The following FBXO21 variants were observed in gnomAD, a reference collection of about 807,000 sequenced individuals.
FBXO21 encodes the protein F-box only protein 21.
In FBXO21, 32 loss-of-function variants were observed where a neutral mutation model predicts 76.6. The observed-to-expected ratio is 0.42, with a 90% CI of 0.32 to 0.56. The LOEUF (loss-of-function observed/expected upper bound fraction) is 0.56, where lower values mean the gene tolerates loss of function less well. Among genes scored for constraint, FBXO21 ranks in the 20% least tolerant of loss-of-function variants. FBXO21 has a pLI of 0.16. For missense variants in FBXO21, 586 were observed against 797.3 expected (o/e 0.73, Z 3.19); for synonymous variants, 328 against 311.5 (o/e 1.05, Z -0.56).
intron 2 of FBXO21, 124 bp downstream of exon 2, chr12:117,189,103 T>C: frequency 9.4e-7 from 1 of 1,062,432 alleles, no homozygotes; most frequent in Non-Finnish European, 1.4e-6. Context: ...GCCATCTAAG[T>C]GAGTAAGGGA....
chr12:117,189,047 G>A lies in FBXO21; in HGVS notation c.375+180C>T, dbSNP rs138024295. On this transcript the variant is annotated intron_variant, in intron 2 of 11. Coordinates refer to ENST00000622495, the MANE Select transcript of FBXO21 (RefSeq NM_015002.3). ...AAAGTAAAGCTGGCACAGACAAATG[G>A]CTTCGTGTTGTTGGATAGGAGGAAA... is the stretch of plus-strand genomic sequence containing the variant. 1.3e-3 allele frequency: 902 copies of A among 685,934 alleles called. 2 individuals carry two copies. The highest frequency in any genetic ancestry group is 2.0e-3 in the Non-Finnish European group (804 of 409,728). The allele number at this position is 685,934 out of a possible 1,614,324, so 42.5% of individuals were successfully genotyped here.
At chr12:117,186,958 G>C (rs58346019) in intron 2 of FBXO21, among the ~76,000 whole-genome samples, 30,267 of 151,772 alleles carry the variant, frequency 0.2, 3,413 homozygotes, top group East Asian at 0.43. Flanking sequence ...GAAACCCCAT[G>C]TCTACTAAAA....
chr12:117,163,270 C>T (rs1335037751), intron 9 of FBXO21, among the ~76,000 whole-genome samples: 3 of 152,254 alleles, frequency 2.0e-5, no homozygotes, highest in Non-Finnish European at 4.4e-5. Context: ...CGGTGGCTCA[C>T]GCCTGCAATC....
intron 11 of FBXO21, 156 bp downstream of exon 11, chr12:117,155,635 T>G: frequency 1.2e-6 from 1 of 835,336 alleles, no homozygotes; most frequent in Non-Finnish European, 1.9e-6. Context: ...CCCAGCCACG[T>G]TTAGCTGACT....
At chr12:117,148,381 G>A (rs946548410) in intron 11 of FBXO21, among the ~76,000 whole-genome samples, 5 of 152,256 alleles carry the variant, frequency 3.3e-5, no homozygotes, top group Non-Finnish European at 7.3e-5. Context: ...ACGTCCAAGT[G>A]TAGGTCACTG....
intron 11 of FBXO21, among the ~76,000 whole-genome samples, chr12:117,147,359 T>TG (rs1955786614): frequency 1.3e-5 from 2 of 148,578 alleles, no homozygotes; most frequent in South Asian, 4.3e-4. Flanking sequence ...CCCAGCACTT[T>TG]GGGAGGATGA....
chr12:117,171,823 C>G (rs1956120996), intron 7 of FBXO21, among the ~76,000 whole-genome samples: 1 of 152,148 alleles, frequency 6.6e-6, no homozygotes, highest in Non-Finnish European at 1.5e-5. Context: ...TATATTTCTA[C>G]CTGTTGAACT....
Position 117,186,511 on chromosome 12 carries a change from C to T in FBXO21, c.436G>A (p.Asp146Asn). 4 of 1,612,834 alleles carry T rather than the reference C, an allele frequency of 2.5e-6. No individual in the cohort carries two copies. The highest frequency in any genetic ancestry group is 1.7e-6 in the Non-Finnish European group (2 of 1,179,556). Residue 146 changes from aspartate to asparagine, a missense_variant, in exon 3 of 12, where the codon GAT becomes AAT. Asp to Asn is a conservative substitution (Grantham distance 23). Coordinates refer to ENST00000622495, the MANE Select transcript of FBXO21 (RefSeq NM_015002.3). ...ATATTTAGGATACACACCAGTTCAT[C>T]CTCAAAAAAAATCTCTGGTCCTTCA... is the stretch of plus-strand genomic sequence containing the variant. ...NLEGPEIFFE[D>N]ELVCILNMEG...
chr12:117,150,984 GTGTGT>G, intron 11 of FBXO21, among the ~76,000 whole-genome samples: 1 of 151,182 alleles, frequency 6.6e-6, no homozygotes, highest in South Asian at 2.1e-4. Context: ...GTGTGTGTGT[GTGTGT>G]GTGTGTGTGT....
In FBXO21 at chr12:117,172,547, G is replaced by A. The variant is rs918946868; in HGVS notation, c.937C>T (p.Arg313Trp). The A allele has an allele frequency of 4.3e-6, 7 of 1,614,086 alleles. No homozygotes were observed. Among genetic ancestry groups the A allele is most frequent in the South Asian group, 2.2e-5 (2 of 91,070 alleles). ...SMSLLYLTIARQLGVPLEPVN... is the reference protein window; with the variant it reads ...SMSLLYLTIAWQLGVPLEPVN... ...GGCTCCAGTGGGACTCCCAACTGCC[G>A]AGCAATTGTCAAATAGAGCAGAGAC... The change falls in exon 7 of 12, where the codon CGG becomes TGG. Residue 313 changes from arginine (R) to tryptophan (W), a missense_variant. This residue lies in a region of FBXO21 where 246 missense variants were observed against 356.8 expected (regional missense o/e 0.69). Transcript: ENST00000622495.
At chr12:117,153,050 C>T (rs989237595) in intron 11 of FBXO21, among the ~76,000 whole-genome samples, 3 of 152,072 alleles carry the variant, frequency 2.0e-5, no homozygotes, top group African/African-American at 7.2e-5. Context: ...TCTGCACTGC[C>T]TGCCGATGAG....
At chr12:117,165,878 C>T (rs1040989662) in intron 8 of FBXO21, among the ~76,000 whole-genome samples, 1 of 152,128 alleles carries the variant, frequency 6.6e-6, no homozygotes, top group African/African-American at 2.4e-5. Flanking sequence ...ACTGCAATAA[C>T]ACTGTACATA....
intron 3 of FBXO21, among the ~76,000 whole-genome samples, chr12:117,185,049 C>T (rs1956269311): frequency 3.3e-5 from 5 of 152,020 alleles, no homozygotes; most frequent in Admixed American, 3.3e-4. Context: ...AAAAAGGAAA[C>T]AGCATAAATA....
At chr12:117,152,311 CA>C (rs777808058) in intron 11 of FBXO21, among the ~76,000 whole-genome samples, 24 of 151,940 alleles carry the variant, frequency 1.6e-4, no homozygotes, top group Non-Finnish European at 3.1e-4. Flanking sequence ...TACAAAAACA[CA>C]AAAAATAGCC....
At chr12:117,171,043 G>C (rs1427333411) in intron 7 of FBXO21, among the ~76,000 whole-genome samples, 1 of 152,152 alleles carries the variant, frequency 6.6e-6, no homozygotes, top group East Asian at 1.9e-4. Context: ...GCAACACACA[G>C]AAGTAATGAA....
At chr12:117,184,610 G>C (rs978236733) in intron 3 of FBXO21, among the ~76,000 whole-genome samples, 10 of 152,154 alleles carry the variant, frequency 6.6e-5, no homozygotes, top group African/African-American at 2.4e-4. Context: ...AAAATTAGCT[G>C]GGTGTGGTGG....
In FBXO21 at chr12:117,163,676, C is replaced by T. The variant is rs558241834; in HGVS notation, c.1326+1809G>A. Among the ~76,000 whole-genome samples the T allele has an allele frequency of 6.6e-4, 101 of 152,204 alleles. 1 individual carries two copies. In the South Asian group the frequency reaches 8.5e-3, roughly 13 times the overall value. ...AATAGGCAGGGGCTGGGTGTGGTGTCTCACGCCTGCAGTCCCAGCACTTTG... is the reference window on the plus strand; with the variant it reads ...AATAGGCAGGGGCTGGGTGTGGTGTTTCACGCCTGCAGTCCCAGCACTTTG... On this transcript the variant is annotated intron_variant, in intron 9 of 11. Coordinates refer to ENST00000622495, the MANE Select transcript of FBXO21 (RefSeq NM_015002.3).
chr12:117,148,037 CA>C (rs1458252084), intron 11 of FBXO21, among the ~76,000 whole-genome samples: 1 of 152,224 alleles, frequency 6.6e-6, no homozygotes, highest in Non-Finnish European at 1.5e-5. Flanking sequence ...AACACAAAGT[CA>C]GGGCATCAGA....
At chr12:117,173,362 C>G (rs1345028254) in intron 6 of FBXO21, among the ~76,000 whole-genome samples, 1 of 152,178 alleles carries the variant, frequency 6.6e-6, no homozygotes, top group Non-Finnish European at 1.5e-5. Context: ...TGGCCTGTTA[C>G]AGGAAAAGTT....
Sources: allele counts gnomAD v4.1 joint callset (sites outside exome capture counted in the v4.1 genomes callset), GRCh38; gene constraint gnomAD v4.1.1; regional missense constraint gnomAD v4.1.1; transcripts MANE v1.5; gene names NCBI Gene and HGNC (gene_info 2026-07-23, HGNC 2026-07-21).